VAMP7: variants seen among roughly 807,000 people sequenced by gnomAD.
VAMP7 encodes the protein vesicle associated membrane protein 7.
VAMP7 carries 14 observed loss-of-function variants against 29.6 expected under a neutral mutation model. That is an observed-to-expected ratio of 0.47 (90% confidence interval 0.31 to 0.74). The LOEUF is 0.74. VAMP7 is among the 30% of genes least tolerant of loss of function. VAMP7 has a pLI of 0.05. For synonymous variants in VAMP7, 95 were observed against 88.1 expected (o/e 1.08, Z -0.44); for missense variants, 223 against 262.4 (o/e 0.85, Z 1.04).
intron 5 of VAMP7, among the ~76,000 whole-genome samples, chrX:155,909,342 A>T (rs1437999766): frequency 1.3e-5 from 2 of 151,916 alleles, no homozygotes; most frequent in Non-Finnish European, 2.9e-5. Context: ...TTCATTTCTG[A>T]TTTTAGTAAT....
intron 1 of VAMP7, among the ~76,000 whole-genome samples, chrX:155,884,553 G>T (rs2065844118): frequency 6.6e-6 from 1 of 152,224 alleles, no homozygotes; most frequent in Non-Finnish European, 1.5e-5. Context: ...TGACTGTCGT[G>T]AATTTAGGAT....
chrX:155,919,021 G>A (rs1394052176), intron 5 of VAMP7, among the ~76,000 whole-genome samples: 3 of 152,160 alleles, frequency 2.0e-5, no homozygotes, highest in Non-Finnish European at 4.4e-5. Flanking sequence ...TGATCATCAG[G>A]GTTGTTGGCC....
intron 5 of VAMP7, among the ~76,000 whole-genome samples, chrX:155,907,901 C>T (rs192792022): frequency 2.6e-3 from 401 of 151,762 alleles, no homozygotes; most frequent in African/African-American, 9.2e-3. Context: ...CGGGCAGCGA[C>T]GCTCCTCACC....
chrX:155,906,852 A>G (rs1271684501), intron 5 of VAMP7, among the ~76,000 whole-genome samples: 1 of 152,184 alleles, frequency 6.6e-6, no homozygotes, highest in African/African-American at 2.4e-5. Context: ...ATAATGTTGA[A>G]TAGAAGTGGT....
At chrX:155,886,914 T>TC (rs2065872216) in intron 1 of VAMP7, among the ~76,000 whole-genome samples, 2 of 274 alleles carry the variant, frequency 7.3e-3, no homozygotes, top group Non-Finnish European at 0.015. Context: ...CAAGTTTCCT[T>TC]CTGAACCTGC....
intron 6 of VAMP7, among the ~76,000 whole-genome samples, chrX:155,938,960 A>G (rs373684977): frequency 1.3e-5 from 2 of 152,196 alleles, no homozygotes; most frequent in African/African-American, 2.4e-5. Context: ...ATTCCATGTT[A>G]TGACTCTCCT....
chrX:155,922,652 G>A (rs1264555264), intron 6 of VAMP7, among the ~76,000 whole-genome samples: 2 of 151,976 alleles, frequency 1.3e-5, no homozygotes, highest in South Asian at 2.1e-4. Context: ...AGAGATAGTG[G>A]TCTGTAATTT....
Position 155,942,807 on chromosome X carries a change from G to T in VAMP7, c.*856G>T. On this transcript the variant is annotated 3_prime_UTR_variant, in exon 8 of 8. Transcript: ENST00000286448. ...CCTCTGACTTGCCAAAGAAAAAGAA[G>T]GGAACCACAGTGGATATGCTAGCAT... 1 of 152,400 alleles carries T rather than the reference G, an allele frequency of 6.6e-6. No individual in the cohort carries two copies. 9.4% of individuals were successfully genotyped at this position (152,400 alleles called of 1,614,324 possible). A position where few individuals can be genotyped will look rare whatever the true frequency, so the allele number is the denominator to read the frequency against.
rs2066756136 is a variant in VAMP7 at position 155,942,216 on chromosome X, T to C, written c.*265T>C. 1 of 1,493,492 alleles carries C rather than the reference T, an allele frequency of 6.7e-7. No homozygotes were observed. The highest frequency in any genetic ancestry group is 8.9e-7 in the Non-Finnish European group (1 of 1,118,354). 92.5% of individuals were successfully genotyped at this position (1,493,492 alleles called of 1,614,324 possible). A position where few individuals can be genotyped will look rare whatever the true frequency, so the allele number is the denominator to read the frequency against. ...TATTTCTTTGGTTTGTTAACTAGTG[T>C]CATCTATTTAGAGAAACATTTTTGT... On this transcript the variant is annotated 3_prime_UTR_variant, in exon 8 of 8. Coordinates refer to ENST00000286448, the MANE Select transcript of VAMP7 (RefSeq NM_005638.6).
Position 155,942,325 on chromosome X carries a change from T to C in VAMP7, c.*374T>C. The C allele has an allele frequency of 1.4e-6, 1 of 695,298 alleles. No individual in the cohort carries two copies. The highest frequency in any genetic ancestry group is 2.3e-6 in the Non-Finnish European group (1 of 428,248). The allele number at this position is 695,298 out of a possible 1,614,324, so 43.1% of individuals were successfully genotyped here. A position where few individuals can be genotyped will look rare whatever the true frequency, so the allele number is the denominator to read the frequency against. On this transcript the variant is annotated 3_prime_UTR_variant, in exon 8 of 8. Transcript: ENST00000286448. ...GAAACTTTGTATGTGCACACAAAAG[T>C]ATTCAAGAGACAGTATTGCTAACAT...
chrX:155,925,656 G>C (rs371435556), intron 6 of VAMP7, among the ~76,000 whole-genome samples: 2 of 152,328 alleles, frequency 1.3e-5, no homozygotes, highest in South Asian at 2.1e-4. Flanking sequence ...GGGAAGGCTC[G>C]AAGTGGGGAG....
intron 5 of VAMP7, among the ~76,000 whole-genome samples, chrX:155,907,697 TC>T (rs2066166964): frequency 6.6e-6 from 1 of 152,074 alleles, no homozygotes. Context: ...ACAGCAACCA[TC>T]CGATTTCTCA....
In VAMP7 at chrX:155,903,206, G is replaced by A. The variant is rs753479365; in HGVS notation, c.433+2619G>A. On this transcript the variant is annotated intron_variant, in intron 5 of 7. Transcript: ENST00000286448. ...TTGTAGTTTGTATTTCTGTGGGATC[G>A]GTGGTGATATCCCCTTTATCATTTA... is the stretch of plus-strand genomic sequence containing the variant. 7.9e-5 allele frequency among the ~76,000 whole-genome samples: 12 copies of A among 152,048 alleles called. 1 individual carries two copies. In the South Asian group the frequency reaches 1.5e-3, roughly 18 times the overall value.
At chrX:155,937,045 A>G (rs1319533279) in intron 6 of VAMP7, among the ~76,000 whole-genome samples, 1 of 152,230 alleles carries the variant, frequency 6.6e-6, no homozygotes, top group Non-Finnish European at 1.5e-5. Flanking sequence ...TGCCTGAAGC[A>G]ATACACAGAT....
intron 5 of VAMP7, among the ~76,000 whole-genome samples, chrX:155,907,403 A>G (rs1273944656): frequency 1.3e-5 from 2 of 152,002 alleles, no homozygotes; most frequent in East Asian, 3.9e-4. Context: ...TGGTTTTCCT[A>G]GGCAGAGGAC....
Position 155,900,598 on chromosome X carries a change from T to C in VAMP7, c.433+11T>C, listed in dbSNP as rs950643555. On this transcript the variant is annotated intron_variant, in intron 5 of 7. Transcript: ENST00000286448. ...TGGTCAGAAACATAGGTATGTTTCA[T>C]GGCATAGTTTCATGCATGTGGGCAA... 4 of 1,593,998 alleles carry C rather than the reference T, an allele frequency of 2.5e-6. No homozygotes were observed. The highest frequency in any genetic ancestry group is 3.4e-5 in the Admixed American group (2 of 58,128).
intron 1 of VAMP7, among the ~76,000 whole-genome samples, chrX:155,883,578 G>A (rs7056623): frequency 0.085 from 12,975 of 152,112 alleles, 1,034 homozygotes; most frequent in African/African-American, 0.21. Flanking sequence ...ACTTTTTAAA[G>A]ATTTTGCATT....
intron 6 of VAMP7, among the ~76,000 whole-genome samples, chrX:155,930,689 A>G (rs970885038): frequency 2.0e-5 from 3 of 149,050 alleles, no homozygotes; most frequent in African/African-American, 7.4e-5. Context: ...ATTCTTTTTT[A>G]TTTTTTATTT....
At chrX:155,918,203 G>A (rs781776571) in intron 5 of VAMP7, among the ~76,000 whole-genome samples, 1 of 152,110 alleles carries the variant, frequency 6.6e-6, no homozygotes, top group Admixed American at 6.5e-5. Flanking sequence ...TGTTGTGCTG[G>A]CAATGAGAAT....
Sources: gnomAD v4.1 joint callset for allele counts (sites outside exome capture counted in the v4.1 genomes callset) on GRCh38, gnomAD v4.1.1 for gene constraint, MANE v1.5 for transcripts, NCBI Gene and HGNC (gene_info 2026-07-23, HGNC 2026-07-21) for gene names.